Variants in DSG2 observed in about 807,000 individuals in gnomAD.
DSG2 encodes the protein desmoglein 2, also known as desmoglein-2.
In DSG2, 45 loss-of-function variants were observed where a neutral mutation model predicts 75.6. The ratio of observed to expected loss-of-function variants is 0.60; its 90% confidence interval spans 0.47 to 0.76. The LOEUF (loss-of-function observed/expected upper bound fraction) is 0.76, where lower values mean the gene tolerates loss of function less well. Ranked by LOEUF, DSG2 falls within the 30% of genes least tolerant of loss-of-function variation. The pLI is 0.00. For synonymous variants in DSG2, 429 were observed against 483.9 expected, an observed-to-expected ratio of 0.89 and a Z score of 1.49; for missense variants, 1,267 against 1,357.4, an observed-to-expected ratio of 0.93 and a Z score of 1.05.
At chr18:31,500,036 TAAAAAAA>T (rs10625787) in intron 1 of DSG2, among the ~76,000 whole-genome samples, 11 of 110,994 alleles carry the variant, frequency 9.9e-5, no homozygotes, top group Non-Finnish European at 1.3e-4. Flanking sequence ...AGTTTTTTGG[TAAAAAAA>T]AAAAAAAAAA....
At chr18:31,520,058 T>C in intron 3 of DSG2, 121 bp downstream of exon 3, 1 of 1,275,466 alleles carries the variant, frequency 7.8e-7, no homozygotes, top group Non-Finnish European at 1.1e-6. Context: ...TTTTTAAATA[T>C]TCAAGATATA....
intron 9 of DSG2, among the ~76,000 whole-genome samples, chr18:31,532,425 C>T (rs2073204116): frequency 6.6e-6 from 1 of 152,148 alleles, no homozygotes; most frequent in South Asian, 2.1e-4. Flanking sequence ...ATAAGAATTT[C>T]CGAGGGTTAC....
chr18:31,539,812 T>G (rs945000019), intron 12 of DSG2, among the ~76,000 whole-genome samples: 2 of 152,070 alleles, frequency 1.3e-5, no homozygotes, highest in Admixed American at 1.3e-4. Flanking sequence ...GGTGGAAGAG[T>G]GAGTGAAGCT....
At chr18:31,530,920 A>G (rs952695657) in intron 8 of DSG2, 67 bp from the exon 9 acceptor site, 2 of 1,482,768 alleles carry the variant, frequency 1.3e-6, no homozygotes, top group African/African-American at 3.1e-5. Flanking sequence ...CCACACATGT[A>G]TATGTATATG....
chr18:31,514,831 A>G (rs1041063401), intron 1 of DSG2, among the ~76,000 whole-genome samples: 1 of 152,232 alleles, frequency 6.6e-6, no homozygotes, highest in Non-Finnish European at 1.5e-5. Context: ...TCCAATAAAA[A>G]TCAGTGAAGA....
At chr18:31,510,332 G>A (rs2073059801) in intron 1 of DSG2, among the ~76,000 whole-genome samples, 1 of 152,160 alleles carries the variant, frequency 6.6e-6, no homozygotes, top group South Asian at 2.1e-4. Flanking sequence ...CTCTTAGTCT[G>A]ATCTATTAAA....
intron 8 of DSG2, among the ~76,000 whole-genome samples, chr18:31,529,827 G>A (rs1436563057): frequency 6.6e-6 from 1 of 152,184 alleles, no homozygotes; most frequent in Admixed American, 6.5e-5. Context: ...ACTTTAGGTA[G>A]TTCTTTTAGT....
At chr18:31,526,982 C>G (rs2073166726) in intron 8 of DSG2, among the ~76,000 whole-genome samples, 1 of 151,986 alleles carries the variant, frequency 6.6e-6, no homozygotes, top group South Asian at 2.1e-4. Context: ...TTAGTGTCAC[C>G]TAGGTACAGT....
chr18:31,542,368 A>ATAAG (rs2073273623), intron 13 of DSG2, 152 bp from the exon 14 acceptor site: 1 of 761,150 alleles, frequency 1.3e-6, no homozygotes, highest in Non-Finnish European at 2.3e-6. Flanking sequence ...TAAGACTTAC[A>ATAAG]TAAGTTATTC....
intron 1 of DSG2, among the ~76,000 whole-genome samples, chr18:31,509,194 A>G (rs2073054120): frequency 6.6e-6 from 1 of 152,208 alleles, no homozygotes; most frequent in Non-Finnish European, 1.5e-5. Context: ...CTAAATGCAT[A>G]TTTTAAAATT....
chr18:31,544,310 AAAAATT>A (rs1001708575), intron 14 of DSG2, among the ~76,000 whole-genome samples: 2 of 152,228 alleles, frequency 1.3e-5, no homozygotes, highest in African/African-American at 4.8e-5. Context: ...TTGATGAAAA[AAAAATT>A]AAAACCAGAG....
intron 9 of DSG2, among the ~76,000 whole-genome samples, chr18:31,532,286 C>A (rs1173369554): frequency 6.6e-6 from 1 of 152,118 alleles, no homozygotes; most frequent in Non-Finnish European, 1.5e-5. Flanking sequence ...GCCAAAGGAA[C>A]AAGGGAACTC....
At position 31,522,160 on chromosome 18, in the gene DSG2, GTA is replaced by G; in HGVS notation, c.603_604del (p.Leu203GlyfsTer12). On this transcript the variant is annotated frameshift_variant, in exon 6 of 15. Coordinates refer to ENST00000261590, the MANE Select transcript of DSG2 (RefSeq NM_001943.5). LOFTEE classifies it high-confidence loss of function. ...TLNSKISYRIVSLEPAYPPVF... is the reference protein window; with the variant it reads ...TLNSKISYRIXSLEPAYPPVF... ...GAATTCGAAAATTTCCTATAGAATC[GTA>G]TCTCTGGAGCCTGCTTATCCTCCAG... 1 of 1,613,708 alleles carries G rather than the reference GTA, an allele frequency of 6.2e-7. No individual in the cohort carries two copies. Among genetic ancestry groups the G allele is most frequent in the Non-Finnish European group, 8.5e-7 (1 of 1,179,688 alleles).
intron 13 of DSG2, among the ~76,000 whole-genome samples, chr18:31,541,575 A>G (rs2073268373): frequency 6.6e-6 from 1 of 152,174 alleles, no homozygotes; most frequent in Admixed American, 6.5e-5. Flanking sequence ...AAGAGTGTGT[A>G]GGAATCTAAG....
At chr18:31,514,672 G>A (rs939872574) in intron 1 of DSG2, among the ~76,000 whole-genome samples, 1 of 152,210 alleles carries the variant, frequency 6.6e-6, no homozygotes, top group African/African-American at 2.4e-5. Context: ...GAAATGCAAA[G>A]TGTAAGGCTG....
rs1419173390 is a variant in DSG2, at chr18:31,524,753, A to G, written c.879A>G (p.Ile293Met). The change falls in exon 8 of 15, where the codon ATA (isoleucine) becomes ATG (methionine). Residue 293 changes from isoleucine (I) to methionine (M), a missense_variant. Ile to Met is a conservative substitution (Grantham distance 10). Transcript: ENST00000261590. The part of the protein sequence containing the change: ...ENQVNVEVTR[I>M]KVFDADEIGS... Reference sequence around the variant, plus strand: ...AAGTCAACGTAGAAGTTACGCGCATAAAAGTGTTCGATGCAGATGAAATAG... The same window carrying G: ...AAGTCAACGTAGAAGTTACGCGCATGAAAGTGTTCGATGCAGATGAAATAG... The G allele has an allele frequency of 2.5e-6, 4 of 1,614,212 alleles. No individual in the cohort carries two copies. The South Asian group carries it at 3.3e-5, about 13-fold the overall frequency.
At chr18:31,528,259 C>T (rs1324764871) in intron 8 of DSG2, among the ~76,000 whole-genome samples, 3 of 152,156 alleles carry the variant, frequency 2.0e-5, no homozygotes, top group African/African-American at 7.2e-5. Context: ...TTCATAGCAG[C>T]ATTATTCATG....
In DSG2 at chr18:31,504,311, C is replaced by T. The variant is rs544992836; in HGVS notation, c.45+6015C>T. ...AAGCCCCCTACAATGCAAACAAAAA[C>T]ATTAAACAATGTTTGATACCCACTG... On this transcript the variant is annotated intron_variant, in intron 1 of 14. Coordinates refer to ENST00000261590, the MANE Select transcript of DSG2 (RefSeq NM_001943.5). 3.3e-5 allele frequency among the ~76,000 whole-genome samples: 5 copies of T among 152,304 alleles called. No homozygotes were observed. In the South Asian group the frequency reaches 1.0e-3, roughly 32 times the overall value.
At chr18:31,514,371 G>A (rs73416243) in intron 1 of DSG2, among the ~76,000 whole-genome samples, 2,470 of 152,260 alleles carry the variant, frequency 0.016, 73 homozygotes, top group African/African-American at 0.055. Flanking sequence ...GGGTGTGCAT[G>A]TTACTATTCA....
Sources: gnomAD v4.1 joint callset for allele counts (sites outside exome capture counted in the v4.1 genomes callset) on GRCh38, gnomAD v4.1.1 for gene constraint, MANE v1.5 for transcripts, NCBI Gene and HGNC (gene_info 2026-07-23, HGNC 2026-07-21) for gene names.